Variants in SLC16A10 observed in about 807,000 individuals in gnomAD.
SLC16A10 encodes the protein monocarboxylate transporter 10.
SLC16A10 carries 27 observed loss-of-function variants against 40.0 expected under a neutral mutation model. The ratio of observed to expected loss-of-function variants is 0.67; its 90% CI spans 0.50 to 0.93. The LOEUF (loss-of-function observed/expected upper bound fraction) is 0.93, where lower values mean the gene tolerates loss of function less well. SLC16A10 is among the 40% of genes least tolerant of loss of function. The probability of loss-of-function intolerance (pLI) is 0.00; values close to 1 mark genes in which losing one functional copy is unlikely to be tolerated. For missense variants in SLC16A10, 529 were observed against 658.2 expected (o/e 0.80, Z 2.15); for synonymous variants, 213 against 249.8 (o/e 0.85, Z 1.39).
intron 1 of SLC16A10, among the ~76,000 whole-genome samples, chr6:111,138,136 A>G (rs1225109311): frequency 6.6e-6 from 1 of 152,266 alleles, no homozygotes; most frequent in Non-Finnish European, 1.5e-5. Context: ...GGTAAACATT[A>G]TATAAGCATA....
intron 3 of SLC16A10, among the ~76,000 whole-genome samples, chr6:111,180,550 A>G (rs1053781289): frequency 1.3e-5 from 2 of 151,980 alleles, no homozygotes; most frequent in African/African-American, 4.8e-5. Context: ...CCCTATCTCT[A>G]AAAAAAATTA....
intron 1 of SLC16A10, among the ~76,000 whole-genome samples, chr6:111,141,674 GAAAC>G (rs1771985170): frequency 6.6e-6 from 1 of 151,866 alleles, no homozygotes; most frequent in Non-Finnish European, 1.5e-5. Flanking sequence ...AAAACAAAAA[GAAAC>G]AAAAAACACA....
intron 1 of SLC16A10, among the ~76,000 whole-genome samples, chr6:111,154,029 C>G (rs1562415008): frequency 6.6e-6 from 1 of 152,038 alleles, no homozygotes; most frequent in Non-Finnish European, 1.5e-5. Flanking sequence ...AGTATTTTTC[C>G]TGGTGGTCCA....
At chr6:111,130,827 C>T (rs925331716) in intron 1 of SLC16A10, among the ~76,000 whole-genome samples, 1 of 152,190 alleles carries the variant, frequency 6.6e-6, no homozygotes, top group Non-Finnish European at 1.5e-5. Flanking sequence ...TGGTTAAGAG[C>T]ATGATCCAAA....
At chr6:111,114,460 A>G (rs1326124014) in intron 1 of SLC16A10, among the ~76,000 whole-genome samples, 1 of 152,236 alleles carries the variant, frequency 6.6e-6, no homozygotes, top group Non-Finnish European at 1.5e-5. Context: ...ATTGCCACTT[A>G]AATTGTGATG....
At chr6:111,106,108 T>G (rs762030896) in intron 1 of SLC16A10, among the ~76,000 whole-genome samples, 13 of 152,208 alleles carry the variant, frequency 8.5e-5, no homozygotes, top group African/African-American at 3.1e-4. Context: ...CTAGTAAATA[T>G]GTTTTCTGAC....
chr6:111,144,329 T>A (rs926299040), intron 1 of SLC16A10, among the ~76,000 whole-genome samples: 5 of 152,046 alleles, frequency 3.3e-5, no homozygotes, highest in African/African-American at 1.2e-4. Context: ...TCAGCCTCCC[T>A]AGTAGCTGGG....
intron 1 of SLC16A10, among the ~76,000 whole-genome samples, chr6:111,109,871 T>C (rs1420160522): frequency 1.3e-5 from 2 of 152,224 alleles, no homozygotes; most frequent in Non-Finnish European, 2.9e-5. Flanking sequence ...ATGTATGTTT[T>C]TATTTCTCTT....
intron 1 of SLC16A10, among the ~76,000 whole-genome samples, chr6:111,097,717 T>A (rs1294813041): frequency 1.3e-5 from 2 of 152,188 alleles, no homozygotes; most frequent in African/African-American, 4.8e-5. Context: ...AATTAGTAAA[T>A]GTACCCCTCT....
chr6:111,221,280 A>G (rs1265057560), intron 5 of SLC16A10, among the ~76,000 whole-genome samples: 1 of 152,186 alleles, frequency 6.6e-6, no homozygotes, highest in East Asian at 1.9e-4. Context: ...TGCCATTAAT[A>G]ATTCTTATAT....
chr6:111,119,553 G>A (rs1771547388), intron 1 of SLC16A10, among the ~76,000 whole-genome samples: 1 of 152,192 alleles, frequency 6.6e-6, no homozygotes, highest in Admixed American at 6.5e-5. Context: ...TGCCTGCAGG[G>A]CACATTGTGC....
At chr6:111,096,426 G>A (rs1771075891) in intron 1 of SLC16A10, among the ~76,000 whole-genome samples, 1 of 152,176 alleles carries the variant, frequency 6.6e-6, no homozygotes, top group South Asian at 2.1e-4. Context: ...CAGGGACTGT[G>A]GATGTTTTTA....
intron 1 of SLC16A10, among the ~76,000 whole-genome samples, chr6:111,137,852 A>G (rs1002701665): frequency 4.6e-5 from 7 of 152,220 alleles, no homozygotes; most frequent in African/African-American, 1.7e-4. Flanking sequence ...AACGTAGCTC[A>G]CACCCGACCA....
At chr6:111,109,401 G>C (rs1771344480) in intron 1 of SLC16A10, among the ~76,000 whole-genome samples, 1 of 150,304 alleles carries the variant, frequency 6.7e-6, no homozygotes, top group South Asian at 2.1e-4. Flanking sequence ...GTATGTATTA[G>C]TAGTTCTTTC....
At chr6:111,212,811 A>T (rs886342647) in intron 4 of SLC16A10, among the ~76,000 whole-genome samples, 3 of 152,038 alleles carry the variant, frequency 2.0e-5, no homozygotes, top group Non-Finnish European at 4.4e-5. Flanking sequence ...AAAAAAATAA[A>T]AAAAAATGCT....
intron 3 of SLC16A10, among the ~76,000 whole-genome samples, chr6:111,190,439 C>G (rs1223302168): frequency 6.6e-6 from 1 of 152,230 alleles, no homozygotes; most frequent in Admixed American, 6.5e-5. Context: ...GCCCTCTTCT[C>G]ATAGCTCCAC....
intron 1 of SLC16A10, among the ~76,000 whole-genome samples, chr6:111,119,247 T>C (rs1372990071): frequency 6.6e-6 from 1 of 152,216 alleles, no homozygotes; most frequent in Non-Finnish European, 1.5e-5. Flanking sequence ...CATATAGAGA[T>C]GCTTCATTTT....
In SLC16A10 at chr6:111,224,297, C is replaced by G. The variant is rs1218795147; in HGVS notation, c.*2062C>G. 6.6e-6 allele frequency: 1 copy of G among 152,044 alleles called. No homozygotes were observed. Among genetic ancestry groups the G allele is most frequent in the Non-Finnish European group, 1.5e-5 (1 of 68,012 alleles). The allele number at this position is 152,044 out of a possible 1,614,324, so 9.4% of individuals were successfully genotyped here. A position where few individuals can be genotyped will look rare whatever the true frequency, so the allele number is the denominator to read the frequency against. ...TTGTTTTAAGTTTTAGCACAGACTC[C>G]CCTCAAAACACCTTCTCCCCAATTT... On this transcript the variant is annotated 3_prime_UTR_variant, in exon 6 of 6. Coordinates refer to ENST00000368851, the MANE Select transcript of SLC16A10 (RefSeq NM_018593.5).
At chr6:111,205,375 G>T (rs183240478) in intron 3 of SLC16A10, among the ~76,000 whole-genome samples, 7 of 152,210 alleles carry the variant, frequency 4.6e-5, no homozygotes, top group Admixed American at 2.6e-4. Context: ...TGTGGGGGAC[G>T]GTGATTGTCA....
Sources: gnomAD v4.1 joint callset for allele counts (sites outside exome capture counted in the v4.1 genomes callset) on GRCh38, gnomAD v4.1.1 for gene constraint, MANE v1.5 for transcripts, NCBI Gene and HGNC (gene_info 2026-07-23, HGNC 2026-07-21) for gene names.